Variants in FGD6 observed in about 807,000 individuals in gnomAD.
The protein encoded by FGD6 is FYVE, RhoGEF and PH domain containing 6.
FGD6 carries 90 observed loss-of-function variants against 149.4 expected under a neutral mutation model. The observed-to-expected ratio is 0.60, with a 90% confidence interval of 0.51 to 0.72. The LOEUF (loss-of-function observed/expected upper bound fraction) is 0.72. Ranked by LOEUF, FGD6 falls within the 30% of genes least tolerant of loss-of-function variation. The probability of loss-of-function intolerance (pLI) is 0.00; values close to 1 mark genes in which losing one functional copy is unlikely to be tolerated. For synonymous variants in FGD6, 527 were observed against 584.0 expected (o/e 0.90, Z 1.41); for missense variants, 1,437 against 1,684.8 (o/e 0.85, Z 2.57).
intron 18 of FGD6, among the ~76,000 whole-genome samples, chr12:95,088,324 T>TTAC (rs1413508469): frequency 6.6e-6 from 1 of 152,012 alleles, no homozygotes; most frequent in Non-Finnish European, 1.5e-5. Flanking sequence ...ATCTTAGACT[T>TTAC]TACCATTATA....
chr12:95,150,682 C>T (rs1194665002), intron 5 of FGD6, among the ~76,000 whole-genome samples: 1 of 151,756 alleles, frequency 6.6e-6, no homozygotes, highest in African/African-American at 2.4e-5. Context: ...GCAATCAGCT[C>T]ACTGCAGTTT....
intron 3 of FGD6, among the ~76,000 whole-genome samples, chr12:95,164,016 T>C (rs1880721285): frequency 6.6e-6 from 1 of 152,182 alleles, no homozygotes; most frequent in Admixed American, 6.5e-5. Flanking sequence ...ATGAAAATCC[T>C]CACTTAAATT....
rs1881428152 is a variant in FGD6 at position 95,186,225 on chromosome 12, C to CTTTTTTTTTTTTTTTTTT, written c.2442-13482_2442-13481insAAAAAAAAAAAAAAAAAA. Among the ~76,000 whole-genome samples, 16 of 71,186 alleles carry CTTTTTTTTTTTTTTTTTT rather than the reference C, an allele frequency of 2.2e-4. 8 individuals are homozygous for CTTTTTTTTTTTTTTTTTT. The highest frequency in any genetic ancestry group is 1.9e-3 in the East Asian group (4 of 2,076). The allele number at this position is 71,186 out of a possible 152,430, so 46.7% of individuals were successfully genotyped here. Reference sequence around the variant, plus strand: ...AGCTAAGAATGCTTCTTATATTCTTCTTCTTTTTTTTTTTTTTTTTTTTTT... The same window carrying CTTTTTTTTTTTTTTTTTT: ...AGCTAAGAATGCTTCTTATATTCTTCTTTTTTTTTTTTTTTTTTTTCTTTTTTTTTTTTTTTTTTTTTT... On this transcript the variant is annotated intron_variant, in intron 2 of 20. Transcript: ENST00000343958.
At chr12:95,207,589 G>A (rs2056699599) in intron 2 of FGD6, among the ~76,000 whole-genome samples, 1 of 152,164 alleles carries the variant, frequency 6.6e-6, no homozygotes, top group African/African-American at 2.4e-5. Flanking sequence ...GAAGGAAGCC[G>A]CTGCAGTGGT....
chr12:95,170,640 C>G (rs1476639995), intron 3 of FGD6, among the ~76,000 whole-genome samples: 1 of 152,142 alleles, frequency 6.6e-6, no homozygotes, highest in East Asian at 1.9e-4. Flanking sequence ...GAAACTCCTT[C>G]TCAAAAGAAA....
intron 2 of FGD6, among the ~76,000 whole-genome samples, chr12:95,177,602 A>AT (rs1345389565): frequency 1.3e-5 from 2 of 151,798 alleles, no homozygotes; most frequent in South Asian, 2.1e-4. Flanking sequence ...TGTTGTGATA[A>AT]TTTTTTTTCA....
chr12:95,087,120 G>A (rs913051776), intron 18 of FGD6, among the ~76,000 whole-genome samples: 1 of 152,148 alleles, frequency 6.6e-6, no homozygotes, highest in Non-Finnish European at 1.5e-5. Flanking sequence ...ATGAGCTATC[G>A]TGCCTGGCCT....
chr12:95,187,652 C>CAAA (rs748641850), intron 2 of FGD6, among the ~76,000 whole-genome samples: 13 of 106,692 alleles, frequency 1.2e-4, no homozygotes, highest in African/African-American at 1.7e-4. Flanking sequence ...GCTGCGTCCC[C>CAAA]AAAAAAAAAA....
intron 14 of FGD6, chr12:95,100,933 G>C: frequency 2.7e-6 from 1 of 371,190 alleles, no homozygotes; most frequent in South Asian, 2.5e-5. Flanking sequence ...AACTGAAGCT[G>C]TCTACCCAGC....
At chr12:95,100,678 G>T in intron 14 of FGD6, 1 of 539,042 alleles carries the variant, frequency 1.9e-6, no homozygotes. Context: ...GCTGGCACCA[G>T]AATTCACCAA....
chr12:95,164,238 T>A (rs1052517069), intron 3 of FGD6, among the ~76,000 whole-genome samples: 1 of 151,970 alleles, frequency 6.6e-6, no homozygotes, highest in Admixed American at 6.6e-5. Flanking sequence ...TTTTTTTTTT[T>A]TTCCTTCCTT....
chr12:95,187,451 G>A (rs958920019), intron 2 of FGD6, among the ~76,000 whole-genome samples: 3 of 150,738 alleles, frequency 2.0e-5, no homozygotes, highest in Admixed American at 6.6e-5. Context: ...TCAGCAGATC[G>A]AGACCAGCAT....
At position 95,107,047 on chromosome 12, in the gene FGD6, G is replaced by A; in HGVS notation, c.3334-10C>T. ...GCAGGGCATCATTAAACTGAAAGTA[G>A]AAACATTTCAGGGGAGAAAGTAAAG... On this transcript the variant is annotated splice_polypyrimidine_tract_variant and intron_variant, in intron 12 of 20. Coordinates refer to ENST00000343958, the MANE Select transcript of FGD6 (RefSeq NM_018351.4). 1 of 1,599,456 alleles carries A rather than the reference G, an allele frequency of 6.3e-7. No individual in the cohort carries two copies. The highest frequency in any genetic ancestry group is 1.3e-5 in the African/African-American group (1 of 74,572).
At position 95,084,565 on chromosome 12, in the gene FGD6, A is replaced by C; in HGVS notation, c.4189T>G (p.Phe1397Val). The C allele has an allele frequency of 6.2e-7, 1 of 1,606,198 alleles. No individual in the cohort carries two copies. The highest frequency in any genetic ancestry group is 1.1e-5 in the South Asian group (1 of 88,726). The change falls in exon 20 of 21, where the codon TTT (phenylalanine) becomes GTT (valine). Residue 1397 changes from phenylalanine (F) to valine (V), a missense_variant. This residue lies in a region of FGD6 where 382 missense variants were observed against 538.7 expected (regional missense o/e 0.71). Coordinates refer to ENST00000343958, the MANE Select transcript of FGD6 (RefSeq NM_018351.4). ...VKDENSESKVFQLLHKNMLFY... is the reference protein window; with the variant it reads ...VKDENSESKVVQLLHKNMLFY... ...AACATGTTTTTGTGCAGTAACTGAA[A>C]TACTTTAGACTCGGAATTCTCATCT...
At chr12:95,208,078 C>A (rs1305023977) in intron 2 of FGD6, among the ~76,000 whole-genome samples, 1 of 151,972 alleles carries the variant, frequency 6.6e-6, no homozygotes, top group African/African-American at 2.4e-5. Flanking sequence ...TGGCAAAACC[C>A]TGTCTCTACA....
At chr12:95,214,933 G>A (rs2056746638) in intron 1 of FGD6, among the ~76,000 whole-genome samples, 1 of 149,540 alleles carries the variant, frequency 6.7e-6, no homozygotes, top group East Asian at 2.0e-4. Flanking sequence ...CTCGATCTCG[G>A]CTCACCACAA....
At chr12:95,175,476 T>C (rs1227362412) in intron 2 of FGD6, among the ~76,000 whole-genome samples, 2 of 152,110 alleles carry the variant, frequency 1.3e-5, no homozygotes, top group African/African-American at 4.8e-5. Context: ...CCGGGTATGG[T>C]GGCTCACACC....
At chr12:95,185,652 G>C (rs1182085807) in intron 2 of FGD6, among the ~76,000 whole-genome samples, 2 of 152,156 alleles carry the variant, frequency 1.3e-5, no homozygotes, top group East Asian at 3.9e-4. Flanking sequence ...CATGAGGTCA[G>C]GAGTTCGAGA....
At chr12:95,204,409 C>G in intron 2 of FGD6, among the ~76,000 whole-genome samples, 1 of 152,112 alleles carries the variant, frequency 6.6e-6, no homozygotes, top group East Asian at 1.9e-4. Context: ...CAAAGGAGAA[C>G]GGGGAGGGAA....
Sources: allele counts gnomAD v4.1 joint callset (sites outside exome capture counted in the v4.1 genomes callset), GRCh38; gene constraint gnomAD v4.1.1; regional missense constraint gnomAD v4.1.1; transcripts MANE v1.5; gene names NCBI Gene and HGNC (gene_info 2026-07-23, HGNC 2026-07-21).